The following NPAS3 variants were observed in gnomAD, a reference collection of about 807,000 sequenced individuals.
The protein encoded by NPAS3 is neuronal PAS domain protein 3, also known as neuronal PAS domain-containing protein 3.
NPAS3 carries 14 observed loss-of-function variants against 73.1 expected under a neutral mutation model. The observed-to-expected ratio is 0.19, with a 90% CI of 0.13 to 0.30. The LOEUF is 0.30. Ranked by LOEUF, NPAS3 falls within the 10% of genes least tolerant of loss-of-function variation. NPAS3 has a pLI of 1.00. For synonymous variants in NPAS3, 620 were observed against 541.5 expected (o/e 1.14, Z -2.01); for missense variants, 1,096 against 1,250.0 (o/e 0.88, Z 1.86).
At chr14:33,412,008 T>C (rs1156270571) in intron 4 of NPAS3, among the ~76,000 whole-genome samples, 2 of 152,322 alleles carry the variant, frequency 1.3e-5, no homozygotes, top group Middle Eastern at 3.4e-3. Context: ...AGCTATACTA[T>C]ATGGCACCCT....
chr14:33,587,130 A>C (rs913129022), intron 5 of NPAS3, among the ~76,000 whole-genome samples: 5 of 152,136 alleles, frequency 3.3e-5, no homozygotes, highest in African/African-American at 1.2e-4. Context: ...TATGGTTTCA[A>C]TTTGAAAACT....
chr14:33,036,061 G>A (rs2040157939), intron 1 of NPAS3, among the ~76,000 whole-genome samples: 1 of 152,136 alleles, frequency 6.6e-6, no homozygotes, highest in African/African-American at 2.4e-5. Context: ...CTTCCCTGAT[G>A]TTTGAGCTGA....
At chr14:33,711,979 G>C (rs1273239466) in intron 6 of NPAS3, among the ~76,000 whole-genome samples, 1 of 152,174 alleles carries the variant, frequency 6.6e-6, no homozygotes, top group Non-Finnish European at 1.5e-5. Flanking sequence ...CCAGGACACT[G>C]TGCTGACCCA....
At chr14:33,282,960 C>T (rs2041691267) in intron 3 of NPAS3, among the ~76,000 whole-genome samples, 1 of 152,168 alleles carries the variant, frequency 6.6e-6, no homozygotes, top group Admixed American at 6.5e-5. Context: ...TACATTATTG[C>T]TCATTCCATT....
chr14:33,325,162 T>A (rs1431729104), intron 3 of NPAS3, among the ~76,000 whole-genome samples: 8 of 152,180 alleles, frequency 5.3e-5, no homozygotes, highest in Non-Finnish European at 4.4e-5. Flanking sequence ...CAATTTTTTT[T>A]TTAAAAAATT....
At chr14:33,058,035 ATATAT>A (rs2040952191) in intron 2 of NPAS3, among the ~76,000 whole-genome samples, 2 of 152,208 alleles carry the variant, frequency 1.3e-5, no homozygotes, top group Middle Eastern at 3.4e-3. Flanking sequence ...TGGTGTTAAT[ATATAT>A]TATATAAGGA....
rs551516178 is a variant in NPAS3 at position 33,297,686 on chromosome 14, T to C, written c.386-69500T>C. ...TCCTTGGTCCTGCTGTCAGGATCCC[T>C]GCTGCTTGCATGTAAAAAGAATCCT... On this transcript the variant is annotated intron_variant, in intron 3 of 11. Transcript: ENST00000356141. Among the ~76,000 whole-genome samples the C allele has an allele frequency of 2.7e-4, 41 of 152,358 alleles. 1 individual carries two copies. The highest frequency in any genetic ancestry group is 3.4e-3 in the Middle Eastern group (1 of 294).
At chr14:33,220,930 A>G (rs2047400612) in intron 3 of NPAS3, among the ~76,000 whole-genome samples, 1 of 152,196 alleles carries the variant, frequency 6.6e-6, no homozygotes, top group Admixed American at 6.5e-5. Context: ...GAATATGTGA[A>G]TATTCAGGTG....
chr14:33,252,290 A>T (rs920498100), intron 3 of NPAS3, among the ~76,000 whole-genome samples: 3 of 152,000 alleles, frequency 2.0e-5, no homozygotes, highest in Non-Finnish European at 4.4e-5. Flanking sequence ...CAAGTTACTC[A>T]GATATAGCTT....
chr14:33,221,450 GT>G (rs2139711580), intron 3 of NPAS3, among the ~76,000 whole-genome samples: 1 of 152,210 alleles, frequency 6.6e-6, no homozygotes, highest in Non-Finnish European at 1.5e-5. Flanking sequence ...GTTTTTATCT[GT>G]AGTTTTTGTT....
intron 2 of NPAS3, among the ~76,000 whole-genome samples, chr14:33,177,716 A>C (rs1217507695): frequency 2.0e-5 from 3 of 152,190 alleles, no homozygotes; most frequent in Non-Finnish European, 2.9e-5. Context: ...ATTGTTTTGC[A>C]TGTGGAAATT....
chr14:32,961,189 G>A (rs1249572591), intron 1 of NPAS3, among the ~76,000 whole-genome samples: 6 of 151,802 alleles, frequency 4.0e-5, no homozygotes, highest in Admixed American at 6.6e-5. Context: ...CGAGGTGGGC[G>A]GATCACGAGG....
chr14:33,270,652 A>C (rs1500722), intron 3 of NPAS3, among the ~76,000 whole-genome samples: 119 of 152,208 alleles, frequency 7.8e-4, no homozygotes, highest in Admixed American at 2.2e-3. Context: ...TAAGGTGGCT[A>C]GATTACATGT....
intron 1 of NPAS3, among the ~76,000 whole-genome samples, chr14:33,054,588 ATAGAAAT>A (rs1421758791): frequency 6.7e-6 from 1 of 150,072 alleles, no homozygotes; most frequent in East Asian, 2.0e-4. Context: ...AATTAGAAAC[ATAGAAAT>A]TAGAAAAAAC....
intron 3 of NPAS3, among the ~76,000 whole-genome samples, chr14:33,301,698 G>A (rs2042556438): frequency 1.3e-5 from 2 of 152,110 alleles, no homozygotes; most frequent in Admixed American, 1.3e-4. Context: ...ATATTTTAAA[G>A]TACAAGAACA....
At chr14:33,316,695 T>C (rs2043220112) in intron 3 of NPAS3, among the ~76,000 whole-genome samples, 1 of 152,040 alleles carries the variant, frequency 6.6e-6, no homozygotes, top group African/African-American at 2.4e-5. Context: ...TAGAAAAAAG[T>C]TGCAGGCCCT....
intron 2 of NPAS3, among the ~76,000 whole-genome samples, chr14:33,201,765 TG>T (rs2046627209): frequency 6.6e-6 from 1 of 152,198 alleles, no homozygotes; most frequent in South Asian, 2.1e-4. Flanking sequence ...TGCTTTGTGA[TG>T]GGGGCACATT....
chr14:33,150,587 C>CG (rs1477392985), intron 2 of NPAS3, among the ~76,000 whole-genome samples: 1 of 152,118 alleles, frequency 6.6e-6, no homozygotes, highest in Non-Finnish European at 1.5e-5. Flanking sequence ...AAATTCAATA[C>CG]GTAAAGTTAT....
intron 2 of NPAS3, among the ~76,000 whole-genome samples, chr14:33,195,415 C>T (rs1042787685): frequency 6.6e-6 from 1 of 152,074 alleles, no homozygotes; most frequent in Non-Finnish European, 1.5e-5. Flanking sequence ...GGATTACAGG[C>T]GTGCACCACC....
Sources: allele counts gnomAD v4.1 joint callset (sites outside exome capture counted in the v4.1 genomes callset), GRCh38; gene constraint gnomAD v4.1.1; transcripts MANE v1.5; gene names NCBI Gene and HGNC (gene_info 2026-07-23, HGNC 2026-07-21).